CA5A: variants seen among roughly 807,000 people sequenced by gnomAD.
CA5A encodes carbonic anhydrase 5A.
CA5A carries 28 observed loss-of-function variants against 37.1 expected under a neutral mutation model. The ratio of observed to expected loss-of-function variants is 0.75; its 90% CI spans 0.56 to 1.03. The LOEUF (loss-of-function observed/expected upper bound fraction) is 1.03. Among genes scored for constraint, CA5A ranks in the 50% least tolerant of loss-of-function variants. CA5A has a pLI of 0.00. For synonymous variants in CA5A, 171 were observed against 158.4 expected (o/e 1.08, Z -0.60); for missense variants, 444 against 399.9 (o/e 1.11, Z -0.94).
chr16:87,899,389 A>T (rs2055845624), intron 5 of CA5A, among the ~76,000 whole-genome samples: 1 of 127,780 alleles, frequency 7.8e-6, no homozygotes, highest in East Asian at 2.4e-4. Flanking sequence ...TGCAACCTCC[A>T]CCGCCCAGAT....
chr16:87,918,806 C>T (rs998195867), intron 2 of CA5A, among the ~76,000 whole-genome samples: 1 of 152,182 alleles, frequency 6.6e-6, no homozygotes, highest in Non-Finnish European at 1.5e-5. Context: ...TTCCCTCCAT[C>T]CCCAGCGGCT....
chr16:87,897,541 T>C (rs1003051914), intron 5 of CA5A, among the ~76,000 whole-genome samples: 5 of 152,196 alleles, frequency 3.3e-5, no homozygotes, highest in African/African-American at 1.2e-4. Flanking sequence ...GGTCCAGGCT[T>C]CCAGGCAGCG....
chr16:87,914,968 G>A (rs1479302797), intron 2 of CA5A, among the ~76,000 whole-genome samples: 3 of 152,214 alleles, frequency 2.0e-5, no homozygotes, highest in Non-Finnish European at 2.9e-5. Flanking sequence ...GGAAAACGCC[G>A]GGCACCGAGT....
At chr16:87,927,045 C>A in intron 1 of CA5A, 100 bp from the exon 2 acceptor site, 1 of 843,488 alleles carries the variant, frequency 1.2e-6, no homozygotes, top group East Asian at 2.7e-5. Flanking sequence ...CCCTCACGTC[C>A]TGGCTCATGG....
At chr16:87,910,433 C>T (rs118011569) in intron 2 of CA5A, among the ~76,000 whole-genome samples, 5,711 of 152,210 alleles carry the variant, frequency 0.038, 177 homozygotes, top group Non-Finnish European at 0.054. Context: ...GGTCACCTGC[C>T]CCAGTTTAGC....
At chr16:87,910,965 G>A (rs1355235245) in intron 2 of CA5A, among the ~76,000 whole-genome samples, 1 of 151,880 alleles carries the variant, frequency 6.6e-6, no homozygotes. Flanking sequence ...GGCCAGGCTG[G>A]TCTTGAACTC....
intron 2 of CA5A, 74 bp downstream of exon 2, chr16:87,926,674 C>G: frequency 8.3e-7 from 1 of 1,199,238 alleles, no homozygotes; most frequent in Non-Finnish European, 1.2e-6. Flanking sequence ...CCTCCCCCTT[C>G]TCCGCGAAGC....
intron 1 of CA5A, 118 bp downstream of exon 1, chr16:87,936,191 C>T (rs970326205): frequency 8.0e-5 from 36 of 452,700 alleles, no homozygotes; most frequent in Admixed American, 5.1e-4. Context: ...AAAAAAAAAA[C>T]GGAGTGGAAA....
At chr16:87,917,836 C>G (rs2056176261) in intron 2 of CA5A, among the ~76,000 whole-genome samples, 1 of 145,928 alleles carries the variant, frequency 6.9e-6, no homozygotes. Context: ...CACATGCACA[C>G]ACACGTGCAC....
In CA5A at chr16:87,929,604, T is replaced by G. The variant is rs184383125; in HGVS notation, c.143-2659A>C. On this transcript the variant is annotated intron_variant, in intron 1 of 6. Coordinates refer to ENST00000649794, the MANE Select transcript of CA5A (RefSeq NM_001739.2). ...AGTAAACCATCAGGCCAGGTGCAGTTGCTCACGCCTATAATCCCAGCACTT... is the reference window on the plus strand; with the variant it reads ...AGTAAACCATCAGGCCAGGTGCAGTGGCTCACGCCTATAATCCCAGCACTT... 4.9e-3 allele frequency among the ~76,000 whole-genome samples: 737 copies of G among 151,584 alleles called. 19 individuals carry two copies. The highest frequency in any genetic ancestry group is 0.04 in the Admixed American group (614 of 15,230).
chr16:87,888,144 CT>C lies in CA5A; in HGVS notation c.902del (p.Glu301GlyfsTer12). 1 of 1,613,216 alleles carries C rather than the reference CT, an allele frequency of 6.2e-7. No individual in the cohort carries two copies. Among genetic ancestry groups the C allele is most frequent in the South Asian group, 1.1e-5 (1 of 91,028 alleles). On this transcript the variant is annotated frameshift_variant, in exon 7 of 7. Coordinates refer to ENST00000649794, the MANE Select transcript of CA5A (RefSeq NM_001739.2). LOFTEE classifies it high-confidence loss of function. ...CCTAATGTCTCTAGGACCTTGTGCC[CT>C]CATTAGTGGCCTGGAAGGACGCCCA... is the stretch of plus-strand genomic sequence containing the variant. Reference protein sequence around the residue: ...KVWASFQATNEGTRS With the variant: ...KVWASFQATNXGTRS
chr16:87,893,793 G>C, intron 5 of CA5A: 1 of 369,002 alleles, frequency 2.7e-6, no homozygotes. Context: ...AACAAAAAGA[G>C]TCAGGGTCTT....
chr16:87,925,158 C>T (rs967034236), intron 2 of CA5A, among the ~76,000 whole-genome samples: 4 of 152,156 alleles, frequency 2.6e-5, no homozygotes, highest in Non-Finnish European at 4.4e-5. Context: ...GGATGCCTGC[C>T]GGAGAGGATG....
intron 3 of CA5A, 151 bp downstream of exon 3, chr16:87,904,635 G>T (rs1270327086): frequency 1.5e-5 from 8 of 551,692 alleles, no homozygotes; most frequent in South Asian, 9.3e-5. Flanking sequence ...AACGGGTGGG[G>T]CGGCCGACGG....
chr16:87,884,036 T>A (rs1200142406), downstream of CA5A: 1 of 152,024 alleles, frequency 6.6e-6, no homozygotes, highest in African/African-American at 2.4e-5. Flanking sequence ...CTCATCTGAC[T>A]GTAAGGTAAT....
intron 1 of CA5A, among the ~76,000 whole-genome samples, chr16:87,936,082 G>A (rs2056466524): frequency 6.7e-6 from 1 of 150,200 alleles, no homozygotes; most frequent in Non-Finnish European, 1.5e-5. Flanking sequence ...TGAGGCAGGA[G>A]AATCGCTTGA....
intron 3 of CA5A, among the ~76,000 whole-genome samples, chr16:87,903,795 G>A (rs2055916346): frequency 6.6e-6 from 1 of 152,186 alleles, no homozygotes; most frequent in Non-Finnish European, 1.5e-5. Flanking sequence ...GTGAGTGGGT[G>A]AGCAGAGGTG....
chr16:87,924,507 G>A (rs2056275280), intron 2 of CA5A, among the ~76,000 whole-genome samples: 3 of 152,336 alleles, frequency 2.0e-5, no homozygotes, highest in South Asian at 2.1e-4. Flanking sequence ...GCCTCTCCCC[G>A]GGCTCCAGGA....
At chr16:87,927,384 A>C (rs1266596036) in intron 1 of CA5A, among the ~76,000 whole-genome samples, 2 of 152,008 alleles carry the variant, frequency 1.3e-5, no homozygotes, top group African/African-American at 4.8e-5. Context: ...CAGGTACCCC[A>C]CCTAGTGGTC....
Sources: gnomAD v4.1 joint callset for allele counts (sites outside exome capture counted in the v4.1 genomes callset) on GRCh38, gnomAD v4.1.1 for gene constraint, MANE v1.5 for transcripts, NCBI Gene and HGNC (gene_info 2026-07-23, HGNC 2026-07-21) for gene names.